Variants in LMAN2 observed in about 807,000 individuals in gnomAD.
LMAN2 encodes lectin, mannose binding 2.
In LMAN2, 22 loss-of-function variants were observed where a neutral mutation model predicts 39.3. The observed-to-expected ratio is 0.56, with a 90% CI of 0.40 to 0.80. LMAN2 has a LOEUF of 0.80. LMAN2 is among the 30% of genes least tolerant of loss of function. The pLI is 0.00. For missense variants in LMAN2, 494 were observed against 505.4 expected, an observed-to-expected ratio of 0.98 and a Z score of 0.22; for synonymous variants, 207 against 207.8, an observed-to-expected ratio of 1.00 and a Z score of 0.03.
In LMAN2 at chr5:177,342,351, AT is replaced by A. The variant is rs533709463; in HGVS notation, c.316-3747del. 1.1e-3 allele frequency among the ~76,000 whole-genome samples: 172 copies of A among 152,232 alleles called. No individual in the cohort carries two copies. The South Asian group carries it at 0.012, about 11-fold the overall frequency. On this transcript the variant is annotated intron_variant, in intron 2 of 7. Coordinates refer to ENST00000303127, the MANE Select transcript of LMAN2 (RefSeq NM_006816.3). ...CAAGACTCCATCTCTATAAAAAAAAATAATAATAAGTATATAAAGATCAGAG... is the reference window on the plus strand; with the variant it reads ...CAAGACTCCATCTCTATAAAAAAAAAAATAATAAGTATATAAAGATCAGAG...
chr5:177,334,446 C>A, intron 6 of LMAN2, 43 bp from the exon 7 acceptor site: 2 of 1,586,910 alleles, frequency 1.3e-6, no homozygotes, highest in South Asian at 1.1e-5. Context: ...ACAGGCCAGC[C>A]GCAGGGCACG....
chr5:177,349,658 C>T (rs1340388251), intron 2 of LMAN2, among the ~76,000 whole-genome samples: 2 of 152,222 alleles, frequency 1.3e-5, no homozygotes, highest in Non-Finnish European at 2.9e-5. Flanking sequence ...CTTGTGGCTA[C>T]TCCTGATTTC....
At chr5:177,342,882 G>A (rs994418748) in intron 2 of LMAN2, among the ~76,000 whole-genome samples, 1 of 151,838 alleles carries the variant, frequency 6.6e-6, no homozygotes, top group Non-Finnish European at 1.5e-5. Flanking sequence ...GATCAAGAGG[G>A]TGAAAAGACA....
At chr5:177,333,163 T>G (rs929225187) in intron 7 of LMAN2, among the ~76,000 whole-genome samples, 3 of 152,156 alleles carry the variant, frequency 2.0e-5, no homozygotes, top group Non-Finnish European at 4.4e-5. Flanking sequence ...GGATGGTGCT[T>G]CCCCAGAAAG....
rs753457199 is a variant in LMAN2, at chr5:177,337,455, G to T, written c.583C>A (p.Arg195Ser). 1 of 1,613,928 alleles carries T rather than the reference G, an allele frequency of 6.2e-7. No homozygotes were observed. ...SLSYDHSKDG[R>S]WTELAGCTAD... The stretch of plus-strand genomic sequence containing the variant: ...GTGCAGCCCGCCAGCTCGGTCCAGC[G>T]CCCATCCTTGCTGTGGTCGTAGGAC... The change falls in exon 5 of 8, where the codon CGC (arginine) becomes AGC (serine). Residue 195 changes from arginine (R) to serine (S), a missense_variant. Coordinates refer to ENST00000303127, the MANE Select transcript of LMAN2 (RefSeq NM_006816.3). This position sits in a 1 kb window ranked among gnomAD's most constrained non-coding sequence, Gnocchi z 8.2.
chr5:177,335,515 C>G (rs910723451), intron 6 of LMAN2, among the ~76,000 whole-genome samples: 3 of 152,186 alleles, frequency 2.0e-5, no homozygotes, highest in African/African-American at 7.2e-5. Flanking sequence ...GAGCTGCCAC[C>G]GGCCACAGCA....
rs1367823512 is a variant in LMAN2 at position 177,332,987 on chromosome 5, C to T, written c.911-741G>A. ...CCACACCCAGGCCTCGGGCCCAGGC[C>T]CTGCCTTTCAGCGACGTGCATGCCA... On this transcript the variant is annotated intron_variant, in intron 7 of 7. Transcript: ENST00000303127. The surrounding 1 kb of genome is among the most constrained non-coding windows in gnomAD (Gnocchi z 6.3). Among the ~76,000 whole-genome samples the T allele has an allele frequency of 6.6e-6, 1 of 152,196 alleles. No homozygotes were observed. The highest frequency in any genetic ancestry group is 2.1e-4 in the South Asian group (1 of 4,836).
chr5:177,332,173 C>A lies in LMAN2; in HGVS notation c.984G>T (p.Leu328=). The change falls in exon 8 of 8, where the codon CTG becomes CTT. Residue 328 remains leucine, a synonymous_variant. Coordinates refer to ENST00000303127, the MANE Select transcript of LMAN2 (RefSeq NM_006816.3). This position sits in a 1 kb window ranked among gnomAD's most constrained non-coding sequence, Gnocchi z 6.3. Reference sequence around the variant, plus strand: ...AGACAACGATGCCCAGGAGAGCGCACAGCAGCAGCAGGAACACCCGCCACC... The same window carrying A: ...AGACAACGATGCCCAGGAGAGCGCAAAGCAGCAGCAGGAACACCCGCCACC... ...LTGWRVFLLL[L]CALLGIVVCA... is the part of the protein sequence containing the mutation. 6.2e-7 allele frequency: 1 copy of A among 1,613,384 alleles called. No homozygotes were observed. The highest frequency in any genetic ancestry group is 8.5e-7 in the Non-Finnish European group (1 of 1,179,770).
chr5:177,332,170 G>A lies in LMAN2; in HGVS notation c.987C>T (p.Cys329=), dbSNP rs771097661. Residue 329 remains cysteine (C), a synonymous_variant, in exon 8 of 8, where the codon TGC becomes TGT. Transcript: ENST00000303127. The surrounding 1 kb of genome is among the most constrained non-coding windows in gnomAD (Gnocchi z 6.3). ...CGCAGACAACGATGCCCAGGAGAGC[G>A]CACAGCAGCAGCAGGAACACCCGCC... is the stretch of plus-strand genomic sequence containing the variant. ...TGWRVFLLLL[C]ALLGIVVCAV... 1.9e-5 allele frequency: 30 copies of A among 1,613,488 alleles called. No homozygotes were observed. Among genetic ancestry groups the A allele is most frequent in the South Asian group, 9.9e-5 (9 of 91,084 alleles).
chr5:177,349,359 C>T (rs1192881868), intron 2 of LMAN2, among the ~76,000 whole-genome samples: 6 of 152,176 alleles, frequency 3.9e-5, no homozygotes, highest in African/African-American at 1.4e-4. Flanking sequence ...ATCTCTCCAG[C>T]TCATTAAAGG....
At chr5:177,334,164 C>T (rs1336112387) in intron 7 of LMAN2, 120 bp downstream of exon 7, 1 of 1,458,976 alleles carries the variant, frequency 6.9e-7, no homozygotes, top group African/African-American at 1.4e-5. Flanking sequence ...CGGGCTGATC[C>T]AAGAGCCCAG....
rs760387396 is a variant in LMAN2 at position 177,332,605 on chromosome 5, G to A, written c.911-359C>T. 2.0e-5 allele frequency among the ~76,000 whole-genome samples: 3 copies of A among 152,108 alleles called. No homozygotes were observed. Among genetic ancestry groups the A allele is most frequent in the Non-Finnish European group, 2.9e-5 (2 of 67,996 alleles). On this transcript the variant is annotated intron_variant, in intron 7 of 7. Coordinates refer to ENST00000303127, the MANE Select transcript of LMAN2 (RefSeq NM_006816.3). This position sits in a 1 kb window ranked among gnomAD's most constrained non-coding sequence, Gnocchi z 6.3. ...CTACATATCCAAGCCCCACCCCCAC[G>A]CTGTGGTCTGAGGGCCCTTTCTGGA...
chr5:177,334,447 G>T lies in LMAN2; in HGVS notation c.791-44C>A, dbSNP rs764077528. On this transcript the variant is annotated intron_variant, in intron 6 of 7. Coordinates refer to ENST00000303127, the MANE Select transcript of LMAN2 (RefSeq NM_006816.3). ...ACCTGTGACAGCCTACAGGCCAGCC[G>T]CAGGGCACGTGGCCCAAGACCCTCC... 1.1e-5 allele frequency: 17 copies of T among 1,585,508 alleles called. No homozygotes were observed. In the African/African-American group the frequency reaches 2.0e-4, roughly 19 times the overall value.
At chr5:177,348,523 C>T (rs1436287763) in intron 2 of LMAN2, among the ~76,000 whole-genome samples, 1 of 151,828 alleles carries the variant, frequency 6.6e-6, no homozygotes, top group Non-Finnish European at 1.5e-5. Context: ...CTCATCTCTA[C>T]TAAAAATACA....
intron 2 of LMAN2, among the ~76,000 whole-genome samples, chr5:177,349,974 A>AG (rs903617603): frequency 2.6e-5 from 4 of 151,798 alleles, no homozygotes; most frequent in African/African-American, 4.8e-5. Context: ...GAAGGCAGCC[A>AG]GGGGGGGCTG....
Position 177,343,280 on chromosome 5 carries a change from T to C in LMAN2, c.316-4675A>G, listed in dbSNP as rs140724137. 8.5e-3 allele frequency among the ~76,000 whole-genome samples: 1,301 copies of C among 152,204 alleles called. 11 individuals carry two copies. The highest frequency in any genetic ancestry group is 0.033 in the South Asian group (161 of 4,818). ...ATAAATAAATAAATAATAACAAATG[T>C]TGGCAAGGATGTGGAGAAATTGGAA... On this transcript the variant is annotated intron_variant, in intron 2 of 7. Coordinates refer to ENST00000303127, the MANE Select transcript of LMAN2 (RefSeq NM_006816.3).
chr5:177,340,645 C>T lies in LMAN2; in HGVS notation c.316-2040G>A, dbSNP rs920729668. Among the ~76,000 whole-genome samples the T allele has an allele frequency of 3.0e-4, 45 of 152,170 alleles. 1 individual carries two copies. Among genetic ancestry groups the T allele is most frequent in the African/African-American group, 1.1e-3 (45 of 41,474 alleles). On this transcript the variant is annotated intron_variant, in intron 2 of 7. Coordinates refer to ENST00000303127, the MANE Select transcript of LMAN2 (RefSeq NM_006816.3). ...ATTAGCCAGGCGTGGTGGTACATGC[C>T]TGTAATTCCAGCTACTTGGGAGGCT... is the stretch of plus-strand genomic sequence containing the variant.
At chr5:177,343,564 GACACACACACACAC>G (rs368470169) in intron 2 of LMAN2, among the ~76,000 whole-genome samples, 1 of 84,640 alleles carries the variant, frequency 1.2e-5, no homozygotes, top group African/African-American at 6.6e-5. Context: ...ATGTGGTCTA[GACACACACACACAC>G]ACACACACAC....
chr5:177,351,022 C>T (rs1359020810), intron 2 of LMAN2, 151 bp downstream of exon 2: 2 of 720,366 alleles, frequency 2.8e-6, no homozygotes, highest in Admixed American at 1.9e-5. Context: ...CAATACCCAT[C>T]GCCTCTTATT....
Sources: allele counts gnomAD v4.1 joint callset (sites outside exome capture counted in the v4.1 genomes callset), GRCh38; gene constraint gnomAD v4.1.1; non-coding constraint Gnocchi (gnomAD v3.1); transcripts MANE v1.5; gene names NCBI Gene and HGNC (gene_info 2026-07-23, HGNC 2026-07-21).